NCAM2: variants seen among roughly 807,000 people sequenced by gnomAD.
The protein encoded by NCAM2 is neural cell adhesion molecule 2.
Under a neutral mutation model 98.1 loss-of-function variants are expected in NCAM2, and 30 were observed. The ratio of observed to expected loss-of-function variants is 0.31; its 90% CI spans 0.23 to 0.41. The LOEUF is 0.41. Among genes scored for constraint, NCAM2 ranks in the 10% least tolerant of loss-of-function variants. The pLI is 1.00. For synonymous variants in NCAM2, 368 were observed against 342.4 expected, an observed-to-expected ratio of 1.07 and a Z score of -0.83; for missense variants, 867 against 1,005.8, an observed-to-expected ratio of 0.86 and a Z score of 1.87.
Position 21,044,673 on chromosome 21 carries a change from T to C in NCAM2, c.55+46055T>C, listed in dbSNP as rs556040279. Among the ~76,000 whole-genome samples, 9 of 152,310 alleles carry C rather than the reference T, an allele frequency of 5.9e-5. No homozygotes were observed. The South Asian group carries it at 1.5e-3, about 25-fold the overall frequency. The stretch of plus-strand genomic sequence containing the variant: ...CCATACTATTGTTTTTTAAAAATCC[T>C]GAAAGGATATGGCCAGATATGGCAG... On this transcript the variant is annotated intron_variant, in intron 1 of 17. Transcript: ENST00000400546.
intron 1 of NCAM2, among the ~76,000 whole-genome samples, chr21:21,262,154 C>G (rs956028133): frequency 1.3e-5 from 2 of 151,936 alleles, no homozygotes; most frequent in Non-Finnish European, 2.9e-5. Context: ...AAGAATGAAC[C>G]AGGAAGAAGT....
chr21:21,319,287 A>G (rs1255549758), intron 5 of NCAM2, among the ~76,000 whole-genome samples: 8 of 152,252 alleles, frequency 5.3e-5, no homozygotes, highest in Admixed American at 5.2e-4. Flanking sequence ...TATAACAACT[A>G]TCTGAGGGAG....
At chr21:21,419,607 G>A (rs1424281403) in intron 11 of NCAM2, among the ~76,000 whole-genome samples, 2 of 147,386 alleles carry the variant, frequency 1.4e-5, no homozygotes, top group East Asian at 4.1e-4. Context: ...GAGAACAGGC[G>A]GTGTTTGGTT....
intron 16 of NCAM2, among the ~76,000 whole-genome samples, chr21:21,521,306 C>T (rs1989002284): frequency 6.6e-6 from 1 of 152,112 alleles, no homozygotes; most frequent in Non-Finnish European, 1.5e-5. Flanking sequence ...TCTTCTGCCC[C>T]ACACATTACC....
intron 9 of NCAM2, among the ~76,000 whole-genome samples, chr21:21,374,924 C>G (rs1364149684): frequency 1.3e-5 from 2 of 151,420 alleles, no homozygotes; most frequent in African/African-American, 4.8e-5. Flanking sequence ...CATAAGTTAT[C>G]CATATTATTT....
At chr21:21,348,890 A>G (rs1026746413) in intron 8 of NCAM2, among the ~76,000 whole-genome samples, 18 of 152,194 alleles carry the variant, frequency 1.2e-4, no homozygotes, top group African/African-American at 4.1e-4. Context: ...CATATGCAGA[A>G]GAACAAAACT....
At chr21:21,272,480 G>GCA (rs2072537164) in intron 1 of NCAM2, among the ~76,000 whole-genome samples, 4 of 142,104 alleles carry the variant, frequency 2.8e-5, no homozygotes, top group Admixed American at 1.5e-4. Flanking sequence ...AAAAAAACAC[G>GCA]CACACATACA....
At chr21:21,226,812 C>T (rs2070400783) in intron 1 of NCAM2, 1 of 152,042 alleles carries the variant, frequency 6.6e-6, no homozygotes, top group African/African-American at 2.4e-5. Context: ...TTATAATTCA[C>T]ACACTGTCCA....
intron 8 of NCAM2, among the ~76,000 whole-genome samples, chr21:21,352,237 TG>T (rs2075361887): frequency 1.3e-5 from 2 of 152,100 alleles, no homozygotes; most frequent in Admixed American, 1.3e-4. Flanking sequence ...GCTAAATTTT[TG>T]TAGGTTTCTA....
intron 1 of NCAM2, among the ~76,000 whole-genome samples, chr21:21,063,600 A>T (rs572450968): frequency 1.3e-5 from 2 of 152,202 alleles, no homozygotes; most frequent in East Asian, 3.9e-4. Flanking sequence ...AAAAAAATAA[A>T]TTTTCTAGTT....
intron 1 of NCAM2, among the ~76,000 whole-genome samples, chr21:21,078,146 C>A (rs2065718401): frequency 1.3e-5 from 2 of 151,998 alleles, no homozygotes; most frequent in African/African-American, 4.8e-5. Flanking sequence ...TTTATGCTAA[C>A]CTATAACAAA....
chr21:21,142,893 G>A (rs375240477), intron 1 of NCAM2, among the ~76,000 whole-genome samples: 39 of 152,148 alleles, frequency 2.6e-4, no homozygotes, highest in African/African-American at 7.5e-4. Context: ...TAGGTGTAGC[G>A]TATTTTATTA....
intron 1 of NCAM2, among the ~76,000 whole-genome samples, chr21:21,265,116 A>C: frequency 2.2e-5 from 1 of 46,020 alleles, no homozygotes; most frequent in East Asian, 4.9e-4. Flanking sequence ...ATATATATAC[A>C]TACATATATT....
intron 4 of NCAM2, 90 bp downstream of exon 4, chr21:21,286,502 T>G: frequency 7.3e-7 from 1 of 1,377,930 alleles, no homozygotes; most frequent in South Asian, 1.5e-5. Flanking sequence ...TGTAGAAATT[T>G]GAATTTTTGA....
At chr21:21,508,747 A>G (rs1988149162) in intron 15 of NCAM2, 104 bp from the exon 16 acceptor site, 3 of 871,990 alleles carry the variant, frequency 3.4e-6, no homozygotes, top group African/African-American at 3.4e-5. Flanking sequence ...TTATTGGAAA[A>G]GATTTATTTT....
intron 1 of NCAM2, among the ~76,000 whole-genome samples, chr21:21,003,614 A>G (rs1336363616): frequency 6.6e-6 from 1 of 152,156 alleles, no homozygotes; most frequent in Non-Finnish European, 1.5e-5. Flanking sequence ...GGCTTTGTTT[A>G]TATTTTTTAA....
chr21:21,522,074 TTATA>T, intron 16 of NCAM2, among the ~76,000 whole-genome samples: 1 of 148,150 alleles, frequency 6.7e-6, no homozygotes, highest in Non-Finnish European at 1.5e-5. Flanking sequence ...TATATATATT[TTATA>T]TATGAATCCA....
At chr21:21,106,975 A>G (rs1289962167) in intron 1 of NCAM2, among the ~76,000 whole-genome samples, 1 of 152,120 alleles carries the variant, frequency 6.6e-6, no homozygotes, top group Non-Finnish European at 1.5e-5. Context: ...GTGATAAGAA[A>G]TATCTTATCC....
At chr21:21,468,547 A>T in intron 13 of NCAM2, 115 bp from the exon 14 acceptor site, 5 of 977,640 alleles carry the variant, frequency 5.1e-6, no homozygotes, top group Non-Finnish European at 7.0e-6. Context: ...GTCAAATGGT[A>T]AATCCAGGAT....
Sources: allele counts gnomAD v4.1 joint callset (sites outside exome capture counted in the v4.1 genomes callset), GRCh38; gene constraint gnomAD v4.1.1; transcripts MANE v1.5; gene names NCBI Gene and HGNC (gene_info 2026-07-23, HGNC 2026-07-21).